CFB: variants seen among roughly 807,000 people sequenced by gnomAD.
CFB encodes complement factor B.
Under a neutral mutation model 97.2 loss-of-function variants are expected in CFB, and 59 were observed. The observed-to-expected ratio is 0.61, with a 90% CI of 0.49 to 0.75. The LOEUF (loss-of-function observed/expected upper bound fraction) is 0.75, where lower values mean the gene tolerates loss of function less well. Among genes scored for constraint, CFB ranks in the 30% least tolerant of loss-of-function variants. The pLI, the probability that CFB is intolerant of heterozygous loss-of-function variation, is 0.00. For missense variants in CFB, 771 were observed against 959.8 expected, an observed-to-expected ratio of 0.80 and a Z score of 2.60; for synonymous variants, 316 against 351.7, an observed-to-expected ratio of 0.90 and a Z score of 1.14.
In CFB at chr6:31,950,273, G is replaced by A. The variant is rs1202980302; in HGVS notation, c.1507-13G>A. On this transcript the variant is annotated splice_polypyrimidine_tract_variant and intron_variant, in intron 11 of 17. Transcript: ENST00000425368. Reference sequence around the variant, plus strand: ...GAAAGTTGAGCTTTCCCTCTCTACTGTTGTGTCCCCAGCGCCCTTCAAAGG... The same window carrying A: ...GAAAGTTGAGCTTTCCCTCTCTACTATTGTGTCCCCAGCGCCCTTCAAAGG... 6.2e-7 allele frequency: 1 copy of A among 1,611,580 alleles called. No individual in the cohort carries two copies. Among genetic ancestry groups the A allele is most frequent in the South Asian group, 1.1e-5 (1 of 91,054 alleles).
chr6:31,947,719 G>T lies in CFB; in HGVS notation c.659-23G>T. The T allele has an allele frequency of 6.2e-7, 1 of 1,611,212 alleles. No individual in the cohort carries two copies. Among genetic ancestry groups the T allele is most frequent in the South Asian group, 1.1e-5 (1 of 91,020 alleles). ...GTATCCCTGACACTCCCAGACATTT[G>T]ACCTCATTTCTGACTCTCCCAGACT... On this transcript the variant is annotated intron_variant, in intron 4 of 17. Transcript: ENST00000425368. The surrounding 1 kb of genome is among the most constrained non-coding windows in gnomAD (Gnocchi z 5.3).
chr6:31,947,189 G>A lies in CFB; in HGVS notation c.481G>A (p.Gly161Arg), dbSNP rs781667620. 44 of 1,612,184 alleles carry A rather than the reference G, an allele frequency of 2.7e-5. No individual in the cohort carries two copies. Among genetic ancestry groups the A allele is most frequent in the Non-Finnish European group, 3.3e-5 (39 of 1,179,752 alleles). The change falls in exon 3 of 18, where the codon GGA (glycine) becomes AGA (arginine). Residue 161 changes from glycine (G) to arginine (R), a missense_variant. Gly to Arg is a moderately radical substitution (Grantham distance 125). Transcript: ENST00000425368. The surrounding 1 kb of genome is among the most constrained non-coding windows in gnomAD (Gnocchi z 5.3). Reference sequence around the variant, plus strand: ...TGGGCAGACAGCGATCTGTGACAACGGAGGTGAGAAGCATCCCCTCCCCCT... The same window carrying A: ...TGGGCAGACAGCGATCTGTGACAACAGAGGTGAGAAGCATCCCCTCCCCCT... Reference protein sequence around the residue: ...WSGQTAICDNGAGYCSNPGIP... With the variant: ...WSGQTAICDNRAGYCSNPGIP...
In CFB at chr6:31,948,047, G is replaced by T. The variant is rs750034851; in HGVS notation, c.863G>T (p.Gly288Val). ...AGCATTGGGGCCAGCAACTTCACAG[G>T]AGCCAAAAAGTGTCTAGTCAACTTA... ...SDSIGASNFT[G>V]AKKCLVNLIE... Residue 288 changes from glycine to valine, a missense_variant, in exon 6 of 18, where the codon GGA becomes GTA. Physicochemically the swap from Gly to Val is moderately radical, Grantham distance 109. Coordinates refer to ENST00000425368, the MANE Select transcript of CFB (RefSeq NM_001710.6). The T allele has an allele frequency of 6.2e-7, 1 of 1,614,104 alleles. No individual in the cohort carries two copies. Among genetic ancestry groups the T allele is most frequent in the Admixed American group, 1.7e-5 (1 of 60,012 alleles).
At position 31,946,144 on chromosome 6, in the gene CFB, G is replaced by A; in HGVS notation, c.-78G>A. On this transcript the variant is annotated 5_prime_UTR_variant, in exon 1 of 18. Transcript: ENST00000425368. The surrounding 1 kb of genome is among the most constrained non-coding windows in gnomAD (Gnocchi z 6.4). ...GGTCTGGAGTTTCAGCTTGGACACT[G>A]AGCCAAGCAGACAAGCAAAGCAAGC... The A allele has an allele frequency of 4.8e-6, 7 of 1,472,258 alleles. No homozygotes were observed. The South Asian group carries it at 6.8e-5, about 14-fold the overall frequency. The allele number at this position is 1,472,258 out of a possible 1,614,324, so 91.2% of individuals were successfully genotyped here.
At position 31,950,337 on chromosome 6, in the gene CFB, T is replaced by C; in HGVS notation, c.1558T>C (p.Phe520Leu). 4 of 1,613,132 alleles carry C rather than the reference T, an allele frequency of 2.5e-6. No homozygotes were observed. Among genetic ancestry groups the C allele is most frequent in the Non-Finnish European group, 3.4e-6 (4 of 1,180,034 alleles). Residue 520 changes from phenylalanine to leucine, a missense_variant, in exon 12 of 18, where the codon TTT (phenylalanine) becomes CTT (leucine). Physicochemically the swap from Phe to Leu is conservative, Grantham distance 22. Coordinates refer to ENST00000425368, the MANE Select transcript of CFB (RefSeq NM_001710.6). ...SCMGAVVSEY[F>L]VLTAAHCFTV... Reference sequence around the variant, plus strand: ...TATGGGGGCTGTGGTGTCTGAGTACTTTGTGCTGACAGCAGCACATTGTTT... The same window carrying C: ...TATGGGGGCTGTGGTGTCTGAGTACCTTGTGCTGACAGCAGCACATTGTTT...
chr6:31,949,324 A>G lies in CFB; in HGVS notation c.1250A>G (p.Asn417Ser), dbSNP rs778914840. ...CTATACATTGGCAAGGATCGCAAAA[A>G]CCCAAGGGAGGATTATCTGGGTGAG... ...DLLYIGKDRK[N>S]PREDYLDVYV... The change falls in exon 9 of 18, where the codon AAC (asparagine) becomes AGC (serine). Residue 417 changes from asparagine (N) to serine (S), a missense_variant. Asn to Ser is a conservative substitution (Grantham distance 46). Transcript: ENST00000425368. 2 of 1,613,980 alleles carry G rather than the reference A, an allele frequency of 1.2e-6. No homozygotes were observed. Among genetic ancestry groups the G allele is most frequent in the East Asian group, 4.5e-5 (2 of 44,864 alleles).
At position 31,947,586 on chromosome 6, in the gene CFB, C is replaced by T; in HGVS notation, c.658+65C>T. Reference sequence around the variant, plus strand: ...TCCATCCTACTGTCTTCTCTCCCCACCTCAACCCTGCTCTTTCCTCACTTT... The same window carrying T: ...TCCATCCTACTGTCTTCTCTCCCCATCTCAACCCTGCTCTTTCCTCACTTT... On this transcript the variant is annotated intron_variant, in intron 4 of 17. Transcript: ENST00000425368. The surrounding 1 kb of genome is among the most constrained non-coding windows in gnomAD (Gnocchi z 5.3). 6.2e-7 allele frequency: 1 copy of T among 1,602,496 alleles called. No homozygotes were observed. Among genetic ancestry groups the T allele is most frequent in the Admixed American group, 1.7e-5 (1 of 59,962 alleles).
In CFB at chr6:31,948,870, C is replaced by A. The variant is rs771974559; in HGVS notation, c.1077C>A (p.Leu359=). 2 of 1,612,976 alleles carry A rather than the reference C, an allele frequency of 1.2e-6. No homozygotes were observed. Among genetic ancestry groups the A allele is most frequent in the Non-Finnish European group, 8.5e-7 (1 of 1,180,012 alleles). The stretch of plus-strand genomic sequence containing the variant: ...CAGGGACTAACACCAAGAAGGCCCT[C>A]CAGGCAGTGTACAGCATGATGAGCT... ...LKSGTNTKKA[L]QAVYSMMSWP... Residue 359 remains leucine (L), a synonymous_variant, in exon 8 of 18, where the codon CTC becomes CTA. Coordinates refer to ENST00000425368, the MANE Select transcript of CFB (RefSeq NM_001710.6).
chr6:31,948,815 C>G lies in CFB; in HGVS notation c.1037-15C>G. 1 of 1,613,014 alleles carries G rather than the reference C, an allele frequency of 6.2e-7. No homozygotes were observed. The highest frequency in any genetic ancestry group is 8.5e-7 in the Non-Finnish European group (1 of 1,180,020). Reference sequence around the variant, plus strand: ...GGAAGACCAGGTGAGGTGATGGTCTCTTCCCTCTCCACAGACCACAAGTTG... The same window carrying G: ...GGAAGACCAGGTGAGGTGATGGTCTGTTCCCTCTCCACAGACCACAAGTTG... On this transcript the variant is annotated splice_polypyrimidine_tract_variant and intron_variant, in intron 7 of 17. Coordinates refer to ENST00000425368, the MANE Select transcript of CFB (RefSeq NM_001710.6).
In CFB at chr6:31,951,838, C is replaced by T; in HGVS notation, c.2140-37C>T. The T allele has an allele frequency of 6.2e-7, 1 of 1,613,052 alleles. No individual in the cohort carries two copies. On this transcript the variant is annotated intron_variant, in intron 17 of 17. Transcript: ENST00000425368. The surrounding 1 kb of genome is among the most constrained non-coding windows in gnomAD (Gnocchi z 4.3). ...AGCCATGCTTCCAGGATTAGGAATTCTACTGAATGATCCATGGCACCCCAC... is the reference window on the plus strand; with the variant it reads ...AGCCATGCTTCCAGGATTAGGAATTTTACTGAATGATCCATGGCACCCCAC...
In CFB at chr6:31,950,271, CTGT is replaced by C; in HGVS notation, c.1507-11_1507-9del. ...GTGAAAGTTGAGCTTTCCCTCTCTA[CTGT>C]TGTGTCCCCAGCGCCCTTCAAAGGG... is the stretch of plus-strand genomic sequence containing the variant. On this transcript the variant is annotated splice_polypyrimidine_tract_variant and intron_variant, in intron 11 of 17. Transcript: ENST00000425368. 1 of 1,611,228 alleles carries C rather than the reference CTGT, an allele frequency of 6.2e-7. No homozygotes were observed. Among genetic ancestry groups the C allele is most frequent in the South Asian group, 1.1e-5 (1 of 91,058 alleles).
Position 31,951,154 on chromosome 6 carries a change from G to C in CFB, c.1866G>C (p.Leu622=), listed in dbSNP as rs544693212. 6.2e-7 allele frequency: 1 copy of C among 1,612,866 alleles called. No individual in the cohort carries two copies. The highest frequency in any genetic ancestry group is 2.2e-5 in the East Asian group (1 of 44,896). ...AGTCTATTCGTCCAGAGGAAGAGCTGCTCCCTGCACAGGATATCAAAGCTC... is the reference window on the plus strand; with the variant it reads ...AGTCTATTCGTCCAGAGGAAGAGCTCCTCCCTGCACAGGATATCAAAGCTC... ...TTTCQQQKEE[L]LPAQDIKALF... is the part of the protein sequence containing the mutation. Residue 622 remains leucine (L), a synonymous_variant, in exon 15 of 18, where the codon CTG becomes CTC. Coordinates refer to ENST00000425368, the MANE Select transcript of CFB (RefSeq NM_001710.6). The surrounding 1 kb of genome is among the most constrained non-coding windows in gnomAD (Gnocchi z 4.3).
Position 31,951,766 on chromosome 6 carries a change from G to C in CFB, c.2140-109G>C. On this transcript the variant is annotated intron_variant, in intron 17 of 17. Coordinates refer to ENST00000425368, the MANE Select transcript of CFB (RefSeq NM_001710.6). The surrounding 1 kb of genome is among the most constrained non-coding windows in gnomAD (Gnocchi z 4.3). ...GTGTGTCAAGAACGAGGCTGAGCTG[G>C]GTCCCTAGTCTGATTCCTTTAGGTC... 6.3e-7 allele frequency: 1 copy of C among 1,587,630 alleles called. No individual in the cohort carries two copies. Among genetic ancestry groups the C allele is most frequent in the Non-Finnish European group, 8.6e-7 (1 of 1,157,190 alleles).
chr6:31,951,321 G>A lies in CFB; in HGVS notation c.1957-20G>A. On this transcript the variant is annotated intron_variant, in intron 15 of 17. Coordinates refer to ENST00000425368, the MANE Select transcript of CFB (RefSeq NM_001710.6). This position sits in a 1 kb window ranked among gnomAD's most constrained non-coding sequence, Gnocchi z 4.3. ...CCACTTCTGTTCATTACTTCTCCATGCTTCCCACCTCCCCTACAGAAAGGC... is the reference window on the plus strand; with the variant it reads ...CCACTTCTGTTCATTACTTCTCCATACTTCCCACCTCCCCTACAGAAAGGC... 6.2e-7 allele frequency: 1 copy of A among 1,614,040 alleles called. No homozygotes were observed. The highest frequency in any genetic ancestry group is 8.5e-7 in the Non-Finnish European group (1 of 1,180,020).
intron 7 of CFB, 28 bp downstream of exon 7, chr6:31,948,540 T>C (rs1212702218): frequency 6.2e-7 from 1 of 1,613,740 alleles, no homozygotes; most frequent in Non-Finnish European, 8.5e-7. Flanking sequence ...GGTGGGAGGT[T>C]CACTTTGGGG....
Position 31,946,148 on chromosome 6 carries a change from C to A in CFB, c.-74C>A. 1 of 1,510,582 alleles carries A rather than the reference C, an allele frequency of 6.6e-7. No homozygotes were observed. Among genetic ancestry groups the A allele is most frequent in the Non-Finnish European group, 9.2e-7 (1 of 1,087,444 alleles). The allele number at this position is 1,510,582 out of a possible 1,614,324, so 93.6% of individuals were successfully genotyped here. A position where few individuals can be genotyped will look rare whatever the true frequency, so the allele number is the denominator to read the frequency against. On this transcript the variant is annotated 5_prime_UTR_variant, in exon 1 of 18. Coordinates refer to ENST00000425368, the MANE Select transcript of CFB (RefSeq NM_001710.6). The surrounding 1 kb of genome is among the most constrained non-coding windows in gnomAD (Gnocchi z 6.4). ...TGGAGTTTCAGCTTGGACACTGAGC[C>A]AAGCAGACAAGCAAAGCAAGCCAGG...
In CFB at chr6:31,947,931, C is replaced by A. The variant is rs1311093037; in HGVS notation, c.761-14C>A. ...TGTTAATGCTGGAGCCTGAGCCACT[C>A]TCCTGGCACCCAGGGGAACAACAGA... is the stretch of plus-strand genomic sequence containing the variant. On this transcript the variant is annotated splice_polypyrimidine_tract_variant and intron_variant, in intron 5 of 17. Coordinates refer to ENST00000425368, the MANE Select transcript of CFB (RefSeq NM_001710.6). This position sits in a 1 kb window ranked among gnomAD's most constrained non-coding sequence, Gnocchi z 5.3. 1.9e-6 allele frequency: 3 copies of A among 1,614,244 alleles called. No homozygotes were observed.
chr6:31,951,593 C>A lies in CFB; in HGVS notation c.2128C>A (p.Arg710Ser). The change falls in exon 17 of 18, where the codon CGT becomes AGT. Residue 710 changes from arginine (R) to serine (S), a missense_variant. Arg to Ser is a moderately radical substitution (Grantham distance 110, BLOSUM62 -1). Coordinates refer to ENST00000425368, the MANE Select transcript of CFB (RefSeq NM_001710.6). This position sits in a 1 kb window ranked among gnomAD's most constrained non-coding sequence, Gnocchi z 4.3. ...CCCCTTGATAGTTCACAAGAGAAGT[C>A]GTTTCATTCAAGTGAGTCCTCCCTT... is the stretch of plus-strand genomic sequence containing the variant. ...GGPLIVHKRS[R>S]FIQVGVISWG... The A allele has an allele frequency of 6.2e-7, 1 of 1,614,176 alleles. No individual in the cohort carries two copies. Among genetic ancestry groups the A allele is most frequent in the South Asian group, 1.1e-5 (1 of 91,078 alleles).
At position 31,947,751 on chromosome 6, in the gene CFB, T is replaced by C. The variant is rs777149548; in HGVS notation, c.668T>C (p.Met223Thr). ...GTEPSCQDSF[M>T]YDTPQEVAEA... ...TTTCTGACTCTCCCAGACTCCTTCATGTACGACACCCCTCAAGAGGTGGCC... is the reference window on the plus strand; with the variant it reads ...TTTCTGACTCTCCCAGACTCCTTCACGTACGACACCCCTCAAGAGGTGGCC... The change falls in exon 5 of 18, where the codon ATG (methionine) becomes ACG (threonine). Residue 223 changes from methionine to threonine, a missense_variant. Coordinates refer to ENST00000425368, the MANE Select transcript of CFB (RefSeq NM_001710.6). This position sits in a 1 kb window ranked among gnomAD's most constrained non-coding sequence, Gnocchi z 5.3. 7 of 1,613,132 alleles carry C rather than the reference T, an allele frequency of 4.3e-6. No individual in the cohort carries two copies. The highest frequency in any genetic ancestry group is 2.7e-5 in the African/African-American group (2 of 75,042).
Sources: gnomAD v4.1 joint callset for allele counts on GRCh38, gnomAD v4.1.1 for gene constraint, Gnocchi (gnomAD v3.1) non-coding constraint, MANE v1.5 for transcripts, NCBI Gene and HGNC (gene_info 2026-07-23, HGNC 2026-07-21) for gene names.